Variants in RPGRIP1L observed in about 807,000 individuals in gnomAD.
RPGRIP1L encodes the protein protein fantom.
In RPGRIP1L, 131 loss-of-function variants were observed where a neutral mutation model predicts 160.4. That is an observed-to-expected ratio of 0.82 (90% confidence interval 0.71 to 0.94). The LOEUF (loss-of-function observed/expected upper bound fraction) is 0.94. RPGRIP1L is among the 40% of genes least tolerant of loss of function. The probability of loss-of-function intolerance (pLI) is 0.00; values close to 1 mark genes in which losing one functional copy is unlikely to be tolerated. For synonymous variants in RPGRIP1L, 510 were observed against 515.8 expected, an observed-to-expected ratio of 0.99 and a Z score of 0.15; for missense variants, 1,522 against 1,535.8, an observed-to-expected ratio of 0.99 and a Z score of 0.15.
At chr16:53,620,682 A>C (rs1964651763) in intron 23 of RPGRIP1L, among the ~76,000 whole-genome samples, 1 of 152,230 alleles carries the variant, frequency 6.6e-6, no homozygotes, top group Non-Finnish European at 1.5e-5. Flanking sequence ...AAGCCTGGAA[A>C]GGTTACTCGG....
intron 23 of RPGRIP1L, among the ~76,000 whole-genome samples, chr16:53,621,414 A>G (rs555631376): frequency 1.3e-5 from 2 of 151,008 alleles, no homozygotes; most frequent in East Asian, 2.0e-4. Flanking sequence ...TATGATGTCT[A>G]TCTTATTTCT....
chr16:53,671,397 T>C, intron 9 of RPGRIP1L, 113 bp downstream of exon 9: 2 of 712,222 alleles, frequency 2.8e-6, no homozygotes, highest in Non-Finnish European at 4.9e-6. Context: ...TATTTCTTGC[T>C]ATCATTTGTT....
At chr16:53,647,007 A>T (rs1462338365) in intron 16 of RPGRIP1L, among the ~76,000 whole-genome samples, 1 of 135,016 alleles carries the variant, frequency 7.4e-6, no homozygotes, top group Admixed American at 7.3e-5. Flanking sequence ...TCTCCCCTTC[A>T]ATCTACACAC....
At chr16:53,666,576 G>GTA (rs1968275198) in intron 9 of RPGRIP1L, among the ~76,000 whole-genome samples, 1 of 128,238 alleles carries the variant, frequency 7.8e-6, no homozygotes, top group Non-Finnish European at 1.8e-5. Context: ...ATGTGTGTGT[G>GTA]TGTGTGTGTG....
intron 25 of RPGRIP1L, among the ~76,000 whole-genome samples, chr16:53,608,917 G>A (rs1963851151): frequency 6.6e-6 from 1 of 152,292 alleles, no homozygotes; most frequent in Non-Finnish European, 1.5e-5. Context: ...ATGGTTGTTC[G>A]AGGAGTGCAT....
At chr16:53,608,030 G>A (rs1009407719) in intron 25 of RPGRIP1L, 2 of 946,340 alleles carry the variant, frequency 2.1e-6, no homozygotes, top group African/African-American at 3.5e-5. Context: ...CAAGCACTCA[G>A]GTGGAAGGAA....
chr16:53,615,834 G>A (rs1414888113), intron 24 of RPGRIP1L, among the ~76,000 whole-genome samples: 1 of 151,464 alleles, frequency 6.6e-6, no homozygotes, highest in African/African-American at 2.4e-5. Context: ...CCCAACCTCA[G>A]GATCTGTCCA....
chr16:53,622,068 A>G (rs1408153724), intron 23 of RPGRIP1L, 151 bp downstream of exon 23: 3 of 271,296 alleles, frequency 1.1e-5, no homozygotes, highest in Non-Finnish European at 2.0e-5. Context: ...GATTTTGTAT[A>G]AAGATCTGAA....
At chr16:53,700,192 T>C (rs1004384205) in intron 2 of RPGRIP1L, among the ~76,000 whole-genome samples, 1 of 152,242 alleles carries the variant, frequency 6.6e-6, no homozygotes, top group African/African-American at 2.4e-5. Context: ...AAACCTTTAA[T>C]CCATATTAAT....
intron 19 of RPGRIP1L, among the ~76,000 whole-genome samples, chr16:53,640,731 A>G (rs562881041): frequency 1.3e-5 from 2 of 152,228 alleles, no homozygotes; most frequent in East Asian, 1.9e-4. Context: ...TGAGTCCAAG[A>G]AACAATGTGA....
intron 2 of RPGRIP1L, among the ~76,000 whole-genome samples, chr16:53,698,286 G>A (rs1192970611): frequency 4.9e-5 from 7 of 143,444 alleles, no homozygotes; most frequent in Non-Finnish European, 9.2e-5. Flanking sequence ...GTCAGCCCCC[G>A]CCAGGCCAGC....
intron 10 of RPGRIP1L, among the ~76,000 whole-genome samples, chr16:53,662,279 G>A (rs1397216103): frequency 6.6e-6 from 1 of 152,206 alleles, no homozygotes; most frequent in East Asian, 1.9e-4. Context: ...GCTGAATTAT[G>A]CATTTCAGCT....
chr16:53,656,876 C>A (rs564724171), intron 13 of RPGRIP1L, among the ~76,000 whole-genome samples: 1 of 152,270 alleles, frequency 6.6e-6, no homozygotes, highest in East Asian at 1.9e-4. Flanking sequence ...ATAACTCACT[C>A]GCAGAATGTG....
At chr16:53,608,790 A>C (rs889639590) in intron 25 of RPGRIP1L, among the ~76,000 whole-genome samples, 2 of 152,190 alleles carry the variant, frequency 1.3e-5, no homozygotes, top group African/African-American at 4.8e-5. Context: ...AAAGGTGAGA[A>C]CATTTGCTGG....
chr16:53,689,516 A>G (rs1281140565), intron 4 of RPGRIP1L, among the ~76,000 whole-genome samples: 1 of 152,132 alleles, frequency 6.6e-6, no homozygotes, highest in Non-Finnish European at 1.5e-5. Context: ...CATAATAAGT[A>G]TTGTTTCTAT....
chr16:53,691,349 G>C (rs985385677), intron 4 of RPGRIP1L, among the ~76,000 whole-genome samples: 51 of 151,932 alleles, frequency 3.4e-4, no homozygotes, highest in African/African-American at 1.2e-3. Flanking sequence ...ATTTTTATTA[G>C]AAATATTTAT....
chr16:53,675,158 GT>G (rs778945998), intron 6 of RPGRIP1L, 36 bp from the exon 7 acceptor site: 19 of 1,428,570 alleles, frequency 1.3e-5, no homozygotes, highest in Non-Finnish European at 1.9e-5. Flanking sequence ...AGAGACAGAA[GT>G]AAAAAACGCA....
At position 53,636,568 on chromosome 16, in the gene RPGRIP1L, C is replaced by T. The variant is rs1965848375; in HGVS notation, c.3221-56G>A. On this transcript the variant is annotated intron_variant, in intron 21 of 26. Transcript: ENST00000647211. ...ACAAGTTAAACCAATTCTACTTATA[C>T]CCTGTAAAATAAAGAGAAACAAGCA... is the stretch of plus-strand genomic sequence containing the variant. 3 of 1,195,188 alleles carry T rather than the reference C, an allele frequency of 2.5e-6. No individual in the cohort carries two copies. The Admixed American group carries it at 5.1e-5, about 20-fold the overall frequency. 74.0% of individuals were successfully genotyped at this position (1,195,188 alleles called of 1,614,324 possible). A position where few individuals can be genotyped will look rare whatever the true frequency, so the allele number is the denominator to read the frequency against.
At chr16:53,603,516 G>T (rs902912035) in intron 26 of RPGRIP1L, among the ~76,000 whole-genome samples, 7 of 152,130 alleles carry the variant, frequency 4.6e-5, no homozygotes, top group African/African-American at 1.4e-4. Flanking sequence ...TTCTTGTAGA[G>T]ATGGGGTTTC....
Sources: allele counts gnomAD v4.1 joint callset (sites outside exome capture counted in the v4.1 genomes callset), GRCh38; gene constraint gnomAD v4.1.1; transcripts MANE v1.5; gene names NCBI Gene and HGNC (gene_info 2026-07-23, HGNC 2026-07-21).